The following FAT4 variants were observed in gnomAD, a reference collection of about 807,000 sequenced individuals.
The protein encoded by FAT4 is protocadherin Fat 4.
FAT4 carries 84 observed loss-of-function variants against 303.9 expected under a neutral mutation model. The observed-to-expected ratio is 0.28, with a 90% CI of 0.23 to 0.33. The LOEUF (loss-of-function observed/expected upper bound fraction) is 0.33. Ranked by LOEUF, FAT4 falls within the 10% of genes least tolerant of loss-of-function variation. The pLI is 1.00. For missense variants in FAT4, 6,005 were observed against 6,146.8 expected (o/e 0.98, Z 0.77); for synonymous variants, 2,307 against 2,298.8 (o/e 1.00, Z -0.10).
chr4:125,415,349 A>T lies in FAT4; in HGVS notation c.6386A>T (p.Lys2129Ile), dbSNP rs1156572263. 6.2e-7 allele frequency: 1 copy of T among 1,613,962 alleles called. No individual in the cohort carries two copies. Among genetic ancestry groups the T allele is most frequent in the Non-Finnish European group, 8.5e-7 (1 of 1,179,992 alleles). Residue 2129 changes from lysine (K) to isoleucine (I), a missense_variant, in exon 6 of 18, where the codon AAA (lysine) becomes ATA (isoleucine). Coordinates refer to ENST00000394329, the MANE Select transcript of FAT4 (RefSeq NM_001291303.3). ...ACTCTAACAGTGGTGGCTACAGACA[A>T]AGGTCAACCATCTCTCTCTTCATCT... ...NYTLTVVATD[K>I]GQPSLSSSTE...
rs558897707 is a variant in FAT4 at position 125,451,803 on chromosome 4, C to G, written c.10793C>G (p.Ser3598Cys). Residue 3598 changes from serine (S) to cysteine (C), a missense_variant, in exon 10 of 18, where the codon TCC becomes TGC. Coordinates refer to ENST00000394329, the MANE Select transcript of FAT4 (RefSeq NM_001291303.3). ...TKDSGVPQMS[S>C]TGTVHITVID... ...GATTCTGGTGTTCCTCAAATGTCTT[C>G]CACAGGAACTGTGCATATCACAGTT... The G allele has an allele frequency of 3.1e-6, 5 of 1,614,162 alleles. No homozygotes were observed. In the African/African-American group the frequency reaches 6.7e-5, roughly 22 times the overall value.
intron 2 of FAT4, among the ~76,000 whole-genome samples, chr4:125,327,673 A>C (rs867902351): frequency 6.6e-6 from 1 of 152,200 alleles, no homozygotes; most frequent in Non-Finnish European, 1.5e-5. Context: ...CTGCTGCTAG[A>C]TTTCTATAGA....
chr4:125,354,603 GA>G (rs1732356283), intron 2 of FAT4, among the ~76,000 whole-genome samples: 1 of 151,648 alleles, frequency 6.6e-6, no homozygotes, highest in South Asian at 2.1e-4. Flanking sequence ...TTCAGGGGAA[GA>G]AATGAAACCA....
chr4:125,442,152 T>C (rs1363988452), intron 8 of FAT4, among the ~76,000 whole-genome samples: 1 of 152,182 alleles, frequency 6.6e-6, no homozygotes, highest in East Asian at 1.9e-4. Flanking sequence ...TTCTGCCTTT[T>C]TGAACACTAT....
At chr4:125,355,851 T>C (rs1732402940) in intron 2 of FAT4, among the ~76,000 whole-genome samples, 1 of 152,060 alleles carries the variant, frequency 6.6e-6, no homozygotes, top group South Asian at 2.1e-4. Context: ...AGATTATCTT[T>C]CTATAGGGCC....
chr4:125,425,405 A>G (rs1274857260), intron 7 of FAT4, among the ~76,000 whole-genome samples: 2 of 152,124 alleles, frequency 1.3e-5, no homozygotes, highest in Non-Finnish European at 1.5e-5. Context: ...TCTGTTTTAT[A>G]TAGACTATGT....
At chr4:125,447,294 G>A (rs565100284) in intron 9 of FAT4, among the ~76,000 whole-genome samples, 13 of 152,068 alleles carry the variant, frequency 8.5e-5, no homozygotes, top group African/African-American at 1.9e-4. Context: ...TTCCTTGCTC[G>A]GAAATATTTT....
Position 125,400,692 on chromosome 4 carries a change from C to T in FAT4, c.5307+1777C>T, listed in dbSNP as rs555415273. Among the ~76,000 whole-genome samples the T allele has an allele frequency of 3.5e-3, 450 of 129,042 alleles. 3 individuals carry two copies. Among genetic ancestry groups the T allele is most frequent in the Middle Eastern group, 0.02 (5 of 256 alleles). The allele number at this position is 129,042 out of a possible 152,430, so 84.7% of individuals were successfully genotyped here. A position where few individuals can be genotyped will look rare whatever the true frequency, so the allele number is the denominator to read the frequency against. On this transcript the variant is annotated intron_variant, in intron 3 of 17. Coordinates refer to ENST00000394329, the MANE Select transcript of FAT4 (RefSeq NM_001291303.3). ...GTTTTTGTGAATTTTTATTTTATTT[C>T]TACTGAGCTTTGTTTTTTAAGTTTA...
rs748743944 is a variant in FAT4 at position 125,320,348 on chromosome 4, C to T, written c.3937C>T (p.Pro1313Ser). Residue 1313 changes from proline to serine, a missense_variant, in exon 2 of 18, where the codon CCT becomes TCT. Physicochemically the swap from Pro to Ser is moderately conservative, Grantham distance 74. Coordinates refer to ENST00000394329, the MANE Select transcript of FAT4 (RefSeq NM_001291303.3). Reference protein sequence around the residue: ...IDILDENDNTPSFPKSTLFVD... With the variant: ...IDILDENDNTSSFPKSTLFVD... The stretch of plus-strand genomic sequence containing the variant: ...TATTTTAGATGAAAATGACAATACC[C>T]CTTCTTTCCCTAAATCAACACTCTT... 190 of 1,613,714 alleles carry T rather than the reference C, an allele frequency of 1.2e-4. No individual in the cohort carries two copies. The highest frequency in any genetic ancestry group is 1.5e-4 in the Non-Finnish European group (180 of 1,179,790).
intron 16 of FAT4, among the ~76,000 whole-genome samples, chr4:125,484,734 C>T (rs1308570579): frequency 6.6e-6 from 1 of 152,076 alleles, no homozygotes; most frequent in Non-Finnish European, 1.5e-5. Context: ...ACCTGTATGG[C>T]ATGTTTACTG....
rs567783118 is a variant in FAT4 at position 125,451,984 on chromosome 4, C to G, written c.10974C>G (p.Thr3658=). Reference sequence around the variant, plus strand: ...ACTGCTCCCTTACTTCAGGAGTTACCAGCCTCTTCAGTATTCCAGGGGGTA... The same window carrying G: ...ACTGCTCCCTTACTTCAGGAGTTACGAGCCTCTTCAGTATTCCAGGGGGTA... ...SFHCSLTSGV[T]SLFSIPGGTC... is the part of the protein sequence containing the mutation. Residue 3658 remains threonine, a synonymous_variant, in exon 10 of 18, where the codon ACC becomes ACG. Transcript: ENST00000394329. 6.2e-6 allele frequency: 10 copies of G among 1,614,068 alleles called. No individual in the cohort carries two copies. In the South Asian group the frequency reaches 1.1e-4, roughly 18 times the overall value.
In FAT4 at chr4:125,492,224, T is replaced by A. The variant is rs1047330929; in HGVS notation, c.*456T>A. ...AAAAAGGAACCCTCCTATCGTGGAA[T>A]GAAAGATTAAGTATATTAACACTTT... On this transcript the variant is annotated 3_prime_UTR_variant, in exon 18 of 18. Transcript: ENST00000394329. The A allele has an allele frequency of 6.3e-6, 1 of 157,872 alleles. No individual in the cohort carries two copies. The highest frequency in any genetic ancestry group is 2.4e-5 in the African/African-American group (1 of 41,514). The allele number at this position is 157,872 out of a possible 1,614,324, so 9.8% of individuals were successfully genotyped here.
chr4:125,415,503 T>A lies in FAT4; in HGVS notation c.6540T>A (p.Asp2180Glu). The change falls in exon 6 of 18, where the codon GAT (aspartate) becomes GAA (glutamate). Residue 2180 changes from aspartate (D) to glutamate (E), a missense_variant. By Grantham distance (45) the Asp-to-Glu change is conservative. Coordinates refer to ENST00000394329, the MANE Select transcript of FAT4 (RefSeq NM_001291303.3). ...ATATAATACAAGTGTTCGCAGCAGATGGAGATGAAGGCACAAATGGACAGG... is the reference window on the plus strand; with the variant it reads ...ATATAATACAAGTGTTCGCAGCAGAAGGAGATGAAGGCACAAATGGACAGG... ...GTDIIQVFAA[D>E]GDEGTNGQVR... The A allele has an allele frequency of 6.2e-7, 1 of 1,614,122 alleles. No homozygotes were observed. The highest frequency in any genetic ancestry group is 8.5e-7 in the Non-Finnish European group (1 of 1,179,976).
rs141717588 is a variant in FAT4, at chr4:125,469,536, A to T, written c.12213+717A>T. ...AATTTATTAATTAAGCCTATGGAAT[A>T]TTCTAAATCCTCTGTTGTCATTTCA... On this transcript the variant is annotated intron_variant, in intron 12 of 17. Transcript: ENST00000394329. Among the ~76,000 whole-genome samples the T allele has an allele frequency of 2.9e-3, 437 of 152,308 alleles. 4 individuals carry two copies. Among genetic ancestry groups the T allele is most frequent in the African/African-American group, 0.01 (424 of 41,562 alleles).
intron 2 of FAT4, among the ~76,000 whole-genome samples, chr4:125,378,068 A>G (rs945231379): frequency 5.3e-5 from 8 of 152,112 alleles, no homozygotes; most frequent in African/African-American, 1.2e-4. Flanking sequence ...CTTCGATAAC[A>G]TAAGCTTAGT....
At chr4:125,333,855 A>G (rs1731475264) in intron 2 of FAT4, among the ~76,000 whole-genome samples, 2 of 152,180 alleles carry the variant, frequency 1.3e-5, no homozygotes, top group South Asian at 4.1e-4. Flanking sequence ...ATAAAAGAAT[A>G]ACTATCACAT....
chr4:125,318,109 C>T lies in FAT4; in HGVS notation c.1698C>T (p.Ala566=), dbSNP rs370653820. The change falls in exon 2 of 18, where the codon GCC becomes GCT. Residue 566 remains alanine, a synonymous_variant. Transcript: ENST00000394329. ...DQGVHPKVSY[A]QLVVTLLDVN... Reference sequence around the variant, plus strand: ...GAGTTCACCCCAAGGTGTCCTATGCCCAGCTTGTAGTAACTCTCCTAGATG... The same window carrying T: ...GAGTTCACCCCAAGGTGTCCTATGCTCAGCTTGTAGTAACTCTCCTAGATG... 83 of 1,613,956 alleles carry T rather than the reference C, an allele frequency of 5.1e-5. No homozygotes were observed. The African/African-American group carries it at 9.2e-4, about 18-fold the overall frequency.
At chr4:125,411,678 T>C (rs1319014415) in intron 5 of FAT4, among the ~76,000 whole-genome samples, 1 of 149,978 alleles carries the variant, frequency 6.7e-6, no homozygotes, top group East Asian at 1.9e-4. Context: ...AATATACATA[T>C]TTTATAGCAT....
In FAT4 at chr4:125,450,316, G is replaced by A. The variant is rs752903305; in HGVS notation, c.9306G>A (p.Glu3102=). 6 of 1,613,942 alleles carry A rather than the reference G, an allele frequency of 3.7e-6. No homozygotes were observed. The East Asian group carries it at 1.3e-4, about 36-fold the overall frequency. The change falls in exon 10 of 18, where the codon GAG becomes GAA. Residue 3102 remains glutamate (E), a synonymous_variant. Coordinates refer to ENST00000394329, the MANE Select transcript of FAT4 (RefSeq NM_001291303.3). ...GCCACATGAGTGCAACCATCCCTGA[G>A]AGCCATAGCATTGGGTCCATTGTCA... ...SQSHMSATIP[E]SHSIGSIVRT...
Sources: allele counts gnomAD v4.1 joint callset (sites outside exome capture counted in the v4.1 genomes callset), GRCh38; gene constraint gnomAD v4.1.1; transcripts MANE v1.5; gene names NCBI Gene and HGNC (gene_info 2026-07-23, HGNC 2026-07-21).